Variants in NREP observed in about 807,000 individuals in gnomAD.
The protein encoded by NREP is neuronal regeneration-related protein.
In NREP, 5 loss-of-function variants were observed where a neutral mutation model predicts 8.6. The ratio of observed to expected loss-of-function variants is 0.58; its 90% CI spans 0.30 to 1.22. NREP has a LOEUF of 1.22. NREP is among the 50% of genes most tolerant of loss of function. The pLI is 0.07. For synonymous variants in NREP, 27 were observed against 28.0 expected, an observed-to-expected ratio of 0.96 and a Z score of 0.11; for missense variants, 86 against 82.5, an observed-to-expected ratio of 1.04 and a Z score of -0.17.
chr5:111,780,569 T>C (rs558032707), intron 2 of NREP, among the ~76,000 whole-genome samples: 1 of 152,264 alleles, frequency 6.6e-6, no homozygotes, highest in African/African-American at 2.4e-5. Flanking sequence ...TATTTGCTAG[T>C]ATATGTTTGG....
chr5:111,805,528 T>C, intron 2 of NREP, among the ~76,000 whole-genome samples: 1 of 152,234 alleles, frequency 6.6e-6, no homozygotes, highest in Admixed American at 6.5e-5. Context: ...GGAGTTATTA[T>C]CACAATATAT....
intron 2 of NREP, among the ~76,000 whole-genome samples, chr5:111,868,446 G>C: frequency 6.6e-6 from 1 of 152,210 alleles, no homozygotes; most frequent in East Asian, 1.9e-4. Context: ...GCAAACTAGT[G>C]ATTTTTCACG....
chr5:111,818,736 G>A (rs1345173823), intron 2 of NREP, among the ~76,000 whole-genome samples: 2 of 152,178 alleles, frequency 1.3e-5, no homozygotes, highest in African/African-American at 4.8e-5. Flanking sequence ...GTAATGTAGT[G>A]TACCATTGTT....
intron 2 of NREP, among the ~76,000 whole-genome samples, chr5:111,836,672 A>G (rs1463156942): frequency 6.6e-6 from 1 of 152,020 alleles, no homozygotes; most frequent in East Asian, 1.9e-4. Context: ...AGAGCATTCT[A>G]AATTTTCTTA....
intron 2 of NREP, among the ~76,000 whole-genome samples, chr5:111,892,728 T>C (rs979598302): frequency 6.6e-6 from 1 of 152,170 alleles, no homozygotes; most frequent in Non-Finnish European, 1.5e-5. Context: ...CTTTCTCTTC[T>C]GAATGTATTA....
intron 2 of NREP, among the ~76,000 whole-genome samples, chr5:111,884,327 A>C (rs1754177224): frequency 1.3e-5 from 2 of 151,942 alleles, no homozygotes; most frequent in African/African-American, 4.8e-5. Flanking sequence ...TTGTGGCAAT[A>C]ATCAATAGTT....
In NREP at chr5:111,912,723, A is replaced by G. The variant is rs183121165; in HGVS notation, c.135+62551T>C. ...TGAATATTCTGTCACATTCAACAGT[A>G]AGTCAATACAGGATTATGTATACAT... On this transcript the variant is annotated intron_variant, in intron 2 of 3. Coordinates refer to the NREP transcript ENST00000395634. 10 of 152,228 alleles carry G rather than the reference A, an allele frequency of 6.6e-5. No homozygotes were observed. The South Asian group carries it at 1.0e-3, about 16-fold the overall frequency. 9.4% of individuals were successfully genotyped at this position (152,228 alleles called of 1,614,324 possible). A position where few individuals can be genotyped will look rare whatever the true frequency, so the allele number is the denominator to read the frequency against.
intron 2 of NREP, among the ~76,000 whole-genome samples, chr5:111,906,958 A>G (rs982613464): frequency 5.3e-5 from 8 of 151,998 alleles, no homozygotes; most frequent in African/African-American, 1.9e-4. Flanking sequence ...TTATAGAGAC[A>G]GAGTTTCGTG....
rs142845880 is a variant in NREP at position 111,953,521 on chromosome 5, TC to T, written c.135+21752del. Among the ~76,000 whole-genome samples, 1,243 of 152,278 alleles carry T rather than the reference TC, an allele frequency of 8.2e-3. 16 individuals carry two copies. The highest frequency in any genetic ancestry group is 0.028 in the African/African-American group (1,164 of 41,570). Reference sequence around the variant, plus strand: ...CAACTTTATCTGAACATTCTTTCATTCTTCAGGCATCATGAGTTCGTGCACT... The same window carrying T: ...CAACTTTATCTGAACATTCTTTCATTTTCAGGCATCATGAGTTCGTGCACT... On this transcript the variant is annotated intron_variant, in intron 2 of 3. Transcript: ENST00000395634.
Position 111,912,634 on chromosome 5 carries a change from C to T in NREP, c.135+62640G>A, listed in dbSNP as rs78187436. 38 of 152,170 alleles carry T rather than the reference C, an allele frequency of 2.5e-4. No individual in the cohort carries two copies. The East Asian group carries it at 7.0e-3, about 28-fold the overall frequency. The allele number at this position is 152,170 out of a possible 1,614,324, so 9.4% of individuals were successfully genotyped here. On this transcript the variant is annotated intron_variant, in intron 2 of 3. Coordinates refer to the NREP transcript ENST00000395634. ...GCGTCTTACTTTTGCAAGCTGTTTC[C>T]ATTCTTATTAGGCTAATAACTGAAG...
At chr5:111,867,783 T>C (rs773684609) in intron 2 of NREP, among the ~76,000 whole-genome samples, 1 of 152,100 alleles carries the variant, frequency 6.6e-6, no homozygotes, top group Non-Finnish European at 1.5e-5. Context: ...TAAGTACACA[T>C]CCTAGCCCTA....
chr5:111,917,849 T>A (rs1173171128), intron 2 of NREP, among the ~76,000 whole-genome samples: 1 of 152,164 alleles, frequency 6.6e-6, no homozygotes, highest in Non-Finnish European at 1.5e-5. Flanking sequence ...GTATTGGAAG[T>A]TCTGGCCAGG....
intron 2 of NREP, among the ~76,000 whole-genome samples, chr5:111,828,132 G>A (rs1205101393): frequency 1.3e-5 from 2 of 151,956 alleles, no homozygotes. Flanking sequence ...CCAGGTTCAA[G>A]CGATTCTTCT....
At chr5:111,857,922 T>A (rs1296348674) in intron 2 of NREP, among the ~76,000 whole-genome samples, 4 of 149,560 alleles carry the variant, frequency 2.7e-5, no homozygotes, top group Admixed American at 6.7e-5. Flanking sequence ...CAAGTGGGAG[T>A]CTCTTTCAAT....
At chr5:111,756,936 C>A (rs947477788) in intron 1 of NREP, among the ~76,000 whole-genome samples, 200 bp downstream of exon 1, 6 of 152,094 alleles carry the variant, frequency 3.9e-5, no homozygotes, top group Admixed American at 6.5e-5. Context: ...TAGAAAAAAC[C>A]CAAGTTAAAT....
At chr5:111,851,356 A>T (rs1027042354) in intron 2 of NREP, among the ~76,000 whole-genome samples, 2 of 152,198 alleles carry the variant, frequency 1.3e-5, no homozygotes, top group African/African-American at 4.8e-5. Context: ...GGTGTTCTAC[A>T]ACAGTAAAAT....
intron 2 of NREP, among the ~76,000 whole-genome samples, chr5:111,780,112 C>T (rs1751458654): frequency 6.6e-6 from 1 of 152,088 alleles, no homozygotes; most frequent in Non-Finnish European, 1.5e-5. Flanking sequence ...GTGGAGAACA[C>T]GGGGGTGGGA....
intron 2 of NREP, chr5:111,912,867 T>C (rs1754950668): frequency 1.3e-5 from 2 of 152,282 alleles, no homozygotes; most frequent in African/African-American, 4.8e-5. Context: ...AGAACTGGCA[T>C]CGTGCCTAGG....
intron 2 of NREP, 28 bp from the exon 3 acceptor site, chr5:111,735,535 C>A: frequency 1.3e-6 from 2 of 1,542,246 alleles, no homozygotes; most frequent in South Asian, 2.2e-5. Flanking sequence ...CATACACATT[C>A]AGATTAAAAA....
Sources: allele counts gnomAD v4.1 joint callset (sites outside exome capture counted in the v4.1 genomes callset), GRCh38; gene constraint gnomAD v4.1.1; transcripts MANE v1.5; gene names NCBI Gene and HGNC (gene_info 2026-07-23, HGNC 2026-07-21).